TENM3: variants seen among roughly 807,000 people sequenced by gnomAD.
The protein encoded by TENM3 is teneurin transmembrane protein 3, also known as teneurin-3.
TENM3 carries 63 observed loss-of-function variants against 255.1 expected under a neutral mutation model. The observed-to-expected ratio is 0.25, with a 90% CI of 0.20 to 0.30. The LOEUF is 0.30. Among genes scored for constraint, TENM3 ranks in the 10% least tolerant of loss-of-function variants. TENM3 has a pLI of 1.00. For synonymous variants in TENM3, 1,306 were observed against 1,322.3 expected, an observed-to-expected ratio of 0.99 and a Z score of 0.27; for missense variants, 2,929 against 3,461.1, an observed-to-expected ratio of 0.85 and a Z score of 3.86.
chr4:181,634,551 GT>G, the TENM3 span, among the ~76,000 whole-genome samples: 1 of 151,958 alleles, frequency 6.6e-6, no homozygotes, highest in Non-Finnish European at 1.5e-5. Context: ...TATGCCTCAA[GT>G]GATTGATCTT....
intron 1 of TENM3, among the ~76,000 whole-genome samples, chr4:182,207,024 T>C (rs1754629588): frequency 6.6e-6 from 1 of 152,234 alleles, no homozygotes; most frequent in Non-Finnish European, 1.5e-5. Flanking sequence ...GTCTTGTTGA[T>C]GTCTGCTGAG....
At chr4:181,842,396 C>A in the TENM3 span, among the ~76,000 whole-genome samples, 1 of 152,090 alleles carries the variant, frequency 6.6e-6, no homozygotes, top group Non-Finnish European at 1.5e-5. Context: ...CTGTTTAATT[C>A]ATTCTCTTCT....
chr4:181,659,698 A>C, the TENM3 span, among the ~76,000 whole-genome samples: 2 of 152,310 alleles, frequency 1.3e-5, no homozygotes, highest in East Asian at 1.9e-4. Flanking sequence ...AATTACCTCA[A>C]AGTAAAGAGC....
At position 182,245,974 on chromosome 4, in the gene TENM3, C is replaced by T. The variant is rs140988124; in HGVS notation, c.-76+2498C>T. On this transcript the variant is annotated intron_variant, in intron 1 of 27. Transcript: ENST00000511685. Reference sequence around the variant, plus strand: ...TTGGCGGGCGCTCCTGCTGGATCCTCACTCTGTGGTTAACAGTGACTCCTT... The same window carrying T: ...TTGGCGGGCGCTCCTGCTGGATCCTTACTCTGTGGTTAACAGTGACTCCTT... 8.0e-3 allele frequency among the ~76,000 whole-genome samples: 1,216 copies of T among 152,290 alleles called. 6 individuals are homozygous for T. The highest frequency in any genetic ancestry group is 0.013 in the Non-Finnish European group (878 of 68,020).
At chr4:182,683,320 A>G (rs2152568429) in intron 11 of TENM3, among the ~76,000 whole-genome samples, 1 of 152,322 alleles carries the variant, frequency 6.6e-6, no homozygotes. Context: ...CACCACCATC[A>G]TCACTACCAT....
At chr4:182,417,890 T>C (rs1049120839) in intron 3 of TENM3, among the ~76,000 whole-genome samples, 1 of 152,210 alleles carries the variant, frequency 6.6e-6, no homozygotes, top group African/African-American at 2.4e-5. Flanking sequence ...TTTACCTAAA[T>C]GTTTGATATC....
At chr4:182,302,411 A>G (rs1022887701) in intron 1 of TENM3, among the ~76,000 whole-genome samples, 1 of 152,226 alleles carries the variant, frequency 6.6e-6, no homozygotes, top group Non-Finnish European at 1.5e-5. Context: ...GTATTTATTT[A>G]GCAAACTTTT....
In TENM3 at chr4:182,459,903, A is replaced by G. The variant is rs1389643209; in HGVS notation, c.511+112974A>G. 2.6e-5 allele frequency among the ~76,000 whole-genome samples: 4 copies of G among 152,096 alleles called. No homozygotes were observed. In the East Asian group the frequency reaches 7.7e-4, roughly 29 times the overall value. On this transcript the variant is annotated intron_variant, in intron 3 of 27. Coordinates refer to ENST00000511685, the MANE Select transcript of TENM3 (RefSeq NM_001080477.4). ...GAATTAAATATTCAAGATTTCAAAA[A>G]TATATTTATTAAAAAAGTTGATAGT...
the TENM3 span, among the ~76,000 whole-genome samples, chr4:182,119,694 T>C: frequency 6.6e-6 from 1 of 152,062 alleles, no homozygotes; most frequent in African/African-American, 2.4e-5. Flanking sequence ...GATCAGAAAC[T>C]ATGGAAAAAA....
the TENM3 span, among the ~76,000 whole-genome samples, chr4:181,783,847 G>A: frequency 2.0e-5 from 3 of 151,988 alleles, no homozygotes; most frequent in African/African-American, 4.8e-5. Flanking sequence ...TTATAAGTGC[G>A]CACCACTATT....
chr4:181,811,260 A>T, the TENM3 span, among the ~76,000 whole-genome samples: 6 of 152,156 alleles, frequency 3.9e-5, no homozygotes, highest in Admixed American at 2.0e-4. Context: ...ATTCTTATTT[A>T]TGTATCTTGT....
chr4:181,927,341 C>T, the TENM3 span, among the ~76,000 whole-genome samples: 35 of 152,144 alleles, frequency 2.3e-4, no homozygotes, highest in Non-Finnish European at 1.6e-4. Context: ...GTAGAGGGAG[C>T]GGCGTTTGCC....
the TENM3 span, among the ~76,000 whole-genome samples, chr4:181,992,038 A>G: frequency 1.1e-4 from 16 of 152,276 alleles, no homozygotes; most frequent in African/African-American, 3.8e-4. Context: ...ATCTGGCTTC[A>G]TTATTACCAA....
the TENM3 span, among the ~76,000 whole-genome samples, chr4:182,064,814 A>C: frequency 6.6e-6 from 1 of 152,046 alleles, no homozygotes; most frequent in Non-Finnish European, 1.5e-5. Context: ...AGTGTTCGGG[A>C]AAGAAAATAG....
chr4:181,744,047 T>C, the TENM3 span, among the ~76,000 whole-genome samples: 1 of 152,090 alleles, frequency 6.6e-6, no homozygotes, highest in East Asian at 1.9e-4. Context: ...ATCATTCAGC[T>C]CCCACTTACA....
In TENM3 at chr4:182,497,346, C is replaced by T. The variant is rs572510925; in HGVS notation, c.512-103578C>T. Among the ~76,000 whole-genome samples, 75 of 152,214 alleles carry T rather than the reference C, an allele frequency of 4.9e-4. No homozygotes were observed. In the South Asian group the frequency reaches 0.015, roughly 29 times the overall value. ...GATTACAGGCGTGAGCCACGGCACC[C>T]GGCCTCACTTACAGCTTTTAAAAAT... On this transcript the variant is annotated intron_variant, in intron 3 of 27. Transcript: ENST00000511685.
At chr4:181,658,317 G>A in the TENM3 span, among the ~76,000 whole-genome samples, 3 of 152,282 alleles carry the variant, frequency 2.0e-5, no homozygotes, top group African/African-American at 7.2e-5. Context: ...CGGGAGATTG[G>A]CGGAACCACT....
At chr4:182,183,343 C>G (rs940725018) in intron 1 of TENM3, among the ~76,000 whole-genome samples, 4 of 152,136 alleles carry the variant, frequency 2.6e-5, no homozygotes, top group Admixed American at 6.6e-5. Context: ...AGAAGATGTT[C>G]CACTGTTTAA....
At chr4:181,816,463 T>C in the TENM3 span, among the ~76,000 whole-genome samples, 3 of 152,168 alleles carry the variant, frequency 2.0e-5, no homozygotes, top group East Asian at 5.8e-4. Context: ...ATCTATAAAA[T>C]TATAAATAAT....
Sources: gnomAD v4.1 joint callset for allele counts (sites outside exome capture counted in the v4.1 genomes callset) on GRCh38, gnomAD v4.1.1 for gene constraint, MANE v1.5 for transcripts, NCBI Gene and HGNC (gene_info 2026-07-23, HGNC 2026-07-21) for gene names.